DLG2: variants seen among roughly 807,000 people sequenced by gnomAD.
DLG2 encodes disks large homolog 2.
A neutral mutation model predicts 132.5 loss-of-function variants in DLG2; 45 were observed. That is an observed-to-expected ratio of 0.34 (90% CI 0.27 to 0.44). The LOEUF (loss-of-function observed/expected upper bound fraction) is 0.44, where lower values mean the gene tolerates loss of function less well. Ranked by LOEUF, DLG2 falls within the 20% of genes least tolerant of loss-of-function variation. DLG2 has a pLI of 1.00. For missense variants in DLG2, 1,045 were observed against 1,196.9 expected (o/e 0.87, Z 1.87); for synonymous variants, 424 against 419.6 (o/e 1.01, Z -0.13).
intron 15 of DLG2, among the ~76,000 whole-genome samples, chr11:83,925,698 G>C (rs1329520933): frequency 6.6e-6 from 1 of 151,896 alleles, no homozygotes; most frequent in Non-Finnish European, 1.5e-5. Flanking sequence ...ATTTTAATTA[G>C]CCTTCATCTG....
chr11:84,859,656 C>T (rs2083347415), intron 6 of DLG2, among the ~76,000 whole-genome samples: 1 of 151,484 alleles, frequency 6.6e-6, no homozygotes, highest in Admixed American at 6.6e-5. Flanking sequence ...TAATATAAAG[C>T]CACTATTTTC....
intron 6 of DLG2, among the ~76,000 whole-genome samples, chr11:84,727,641 A>G (rs1373681240): frequency 6.6e-6 from 1 of 152,124 alleles, no homozygotes; most frequent in Non-Finnish European, 1.5e-5. Flanking sequence ...GAAGAAAGTC[A>G]GTGGTAGGTT....
In DLG2 at chr11:85,124,833, A is replaced by AT. The variant is rs2074873131; in HGVS notation, c.283-13099_283-13098insA. 3.2e-4 allele frequency among the ~76,000 whole-genome samples: 32 copies of AT among 100,328 alleles called. 1 individual carries two copies. The highest frequency in any genetic ancestry group is 2.8e-3 in the Admixed American group (29 of 10,446). 65.8% of individuals were successfully genotyped at this position (100,328 alleles called of 152,430 possible). A position where few individuals can be genotyped will look rare whatever the true frequency, so the allele number is the denominator to read the frequency against. ...TTTTTTAAAGTTTTGAGCACAGTAA[A>AT]ATTTTTTTTTTTTTTGAGACGGAGT... On this transcript the variant is annotated intron_variant, in intron 5 of 27. Transcript: ENST00000376104.
rs565459638 is a variant in DLG2, at chr11:84,163,339, C to A, written c.624+122G>T. 65 of 803,954 alleles carry A rather than the reference C, an allele frequency of 8.1e-5. 1 individual carries two copies. In the South Asian group the frequency reaches 8.6e-4, roughly 11 times the overall value. The allele number at this position is 803,954 out of a possible 1,614,324, so 49.8% of individuals were successfully genotyped here. ...TTTCATTAATATTCTCATTGTGAGTCCTGTGGGAAACTTCCAGGTTATAAA... is the reference window on the plus strand; with the variant it reads ...TTTCATTAATATTCTCATTGTGAGTACTGTGGGAAACTTCCAGGTTATAAA... On this transcript the variant is annotated intron_variant, in intron 9 of 27. Coordinates refer to ENST00000376104, the MANE Select transcript of DLG2 (RefSeq NM_001142699.3).
chr11:85,382,761 G>A (rs1455849546), intron 3 of DLG2, among the ~76,000 whole-genome samples: 1 of 152,144 alleles, frequency 6.6e-6, no homozygotes, highest in Non-Finnish European at 1.5e-5. Context: ...TTAGTCATTA[G>A]GGAAATGCAA....
chr11:83,846,941 C>CAAA (rs2058740920), intron 16 of DLG2, among the ~76,000 whole-genome samples: 4 of 68,538 alleles, frequency 5.8e-5, no homozygotes, highest in African/African-American at 1.4e-4. Context: ...TCTCCCAAGC[C>CAAA]AAAAAAAAAA....
At chr11:84,546,736 A>G (rs2099390701) in intron 6 of DLG2, 8 of 428,116 alleles carry the variant, frequency 1.9e-5, no homozygotes, top group South Asian at 1.4e-4. Flanking sequence ...AGTGCTCCCA[A>G]TTGCTCACAA....
At chr11:84,907,086 C>T (rs1206563747) in intron 6 of DLG2, among the ~76,000 whole-genome samples, 1 of 152,134 alleles carries the variant, frequency 6.6e-6, no homozygotes, top group African/African-American at 2.4e-5. Context: ...TAACTGCTAA[C>T]TGGAGATGTG....
intron 8 of DLG2, among the ~76,000 whole-genome samples, chr11:84,221,979 A>C (rs927821046): frequency 6.6e-6 from 1 of 152,178 alleles, no homozygotes; most frequent in Non-Finnish European, 1.5e-5. Flanking sequence ...TTAGCATAAT[A>C]ATACTATATT....
intron 6 of DLG2, among the ~76,000 whole-genome samples, chr11:84,817,265 C>A (rs1468904827): frequency 6.6e-6 from 1 of 151,932 alleles, no homozygotes; most frequent in East Asian, 1.9e-4. Flanking sequence ...AGGCAGCTTC[C>A]ATTTCAATAT....
intron 15 of DLG2, among the ~76,000 whole-genome samples, chr11:83,890,880 T>C (rs187308183): frequency 2.0e-5 from 3 of 152,158 alleles, no homozygotes; most frequent in African/African-American, 7.2e-5. Context: ...CAATTGCATG[T>C]GGTGTGTGAG....
chr11:84,733,536 A>T (rs1284500242), intron 6 of DLG2, among the ~76,000 whole-genome samples: 1 of 152,186 alleles, frequency 6.6e-6, no homozygotes, highest in African/African-American at 2.4e-5. Context: ...TCTGGATATT[A>T]GTCCCTGGTC....
intron 3 of DLG2, among the ~76,000 whole-genome samples, chr11:85,337,437 T>G (rs961549040): frequency 9.2e-5 from 14 of 152,260 alleles, no homozygotes; most frequent in African/African-American, 3.4e-4. Flanking sequence ...ATTCCTAAAC[T>G]TAGTGTTTAT....
intron 3 of DLG2, among the ~76,000 whole-genome samples, chr11:85,485,152 TGA>T (rs2093399405): frequency 6.7e-6 from 1 of 150,014 alleles, no homozygotes; most frequent in South Asian, 2.1e-4. Context: ...AATTGAACAA[TGA>T]GAACACATGG....
chr11:83,525,643 C>T (rs1356602180), intron 21 of DLG2, among the ~76,000 whole-genome samples: 1 of 152,144 alleles, frequency 6.6e-6, no homozygotes, highest in Non-Finnish European at 1.5e-5. Flanking sequence ...CAAAGCCTGC[C>T]TTCCTGATGC....
At chr11:84,459,534 C>G (rs2099074637) in intron 7 of DLG2, among the ~76,000 whole-genome samples, 1 of 150,422 alleles carries the variant, frequency 6.6e-6, no homozygotes. Flanking sequence ...AAAATTAATA[C>G]TAGAAAATTT....
chr11:84,711,588 G>C (rs2060458176), intron 6 of DLG2, among the ~76,000 whole-genome samples: 1 of 151,788 alleles, frequency 6.6e-6, no homozygotes, highest in African/African-American at 2.4e-5. Context: ...AAGCCAGCAG[G>C]CTCAAAACCC....
chr11:83,810,166 T>C (rs1168506294), intron 17 of DLG2, among the ~76,000 whole-genome samples: 1 of 152,106 alleles, frequency 6.6e-6, no homozygotes, highest in Non-Finnish European at 1.5e-5. Flanking sequence ...TAAATTATTC[T>C]TCCTGAGAAC....
chr11:84,388,752 T>C (rs1170202237), intron 7 of DLG2, among the ~76,000 whole-genome samples: 1 of 151,912 alleles, frequency 6.6e-6, no homozygotes, highest in Non-Finnish European at 1.5e-5. Flanking sequence ...AAAGTGGATG[T>C]CAGGAATTGG....
Sources: allele counts gnomAD v4.1 joint callset (sites outside exome capture counted in the v4.1 genomes callset), GRCh38; gene constraint gnomAD v4.1.1; transcripts MANE v1.5; gene names NCBI Gene and HGNC (gene_info 2026-07-23, HGNC 2026-07-21).